CBFB: variants seen among roughly 807,000 people sequenced by gnomAD.
CBFB encodes the protein core-binding factor subunit beta.
A neutral mutation model predicts 30.4 loss-of-function variants in CBFB; 9 were observed. The observed-to-expected ratio is 0.30, with a 90% CI of 0.18 to 0.52. The LOEUF is 0.52. CBFB is among the 20% of genes least tolerant of loss of function. The pLI is 0.97. For missense variants in CBFB, 170 were observed against 244.0 expected, an observed-to-expected ratio of 0.70 and a Z score of 2.02; for synonymous variants, 94 against 84.0, an observed-to-expected ratio of 1.12 and a Z score of -0.65.
At chr16:67,031,302 AT>A (rs1966341602) in intron 2 of CBFB, among the ~76,000 whole-genome samples, 1 of 152,202 alleles carries the variant, frequency 6.6e-6, no homozygotes, top group African/African-American at 2.4e-5. Context: ...TAATTGTAGT[AT>A]TTATATGATT....
intron 3 of CBFB, among the ~76,000 whole-genome samples, chr16:67,051,792 A>G (rs1291622953): frequency 6.7e-6 from 1 of 150,000 alleles, no homozygotes; most frequent in Non-Finnish European, 1.5e-5. Context: ...TCTGTTGCCC[A>G]GGCTGGAGCG....
chr16:67,076,315 G>A (rs1160049896), intron 4 of CBFB, among the ~76,000 whole-genome samples: 1 of 152,106 alleles, frequency 6.6e-6, no homozygotes, highest in Non-Finnish European at 1.5e-5. Flanking sequence ...GATCACTTGA[G>A]CCCAGGTGGT....
intron 4 of CBFB, among the ~76,000 whole-genome samples, chr16:67,080,999 T>C (rs976662566): frequency 6.6e-6 from 1 of 152,090 alleles, no homozygotes; most frequent in Non-Finnish European, 1.5e-5. Flanking sequence ...TATATACTTT[T>C]AAGTTTTAGG....
chr16:67,064,578 T>A (rs1441639206), intron 3 of CBFB, among the ~76,000 whole-genome samples: 1 of 152,200 alleles, frequency 6.6e-6, no homozygotes, highest in Non-Finnish European at 1.5e-5. Context: ...GAAACTGTAA[T>A]AAATTTCTCT....
Position 67,082,291 on chromosome 16 carries a change from C to G in CBFB, c.478C>G (p.His160Asp). The part of the protein sequence containing the change: ...TREFEDRDRS[H>D]REEMEARRQQ... ...CGAATTTGAAGATAGAGACAGGTCTCATCGGGAGGAAATGGAGGTGAGAGT... is the reference window on the plus strand; with the variant it reads ...CGAATTTGAAGATAGAGACAGGTCTGATCGGGAGGAAATGGAGGTGAGAGT... Residue 160 changes from histidine to aspartate, a missense_variant, in exon 5 of 6, where the codon CAT becomes GAT. Coordinates refer to ENST00000412916, the MANE Select transcript of CBFB (RefSeq NM_022845.3). 1 of 1,612,372 alleles carries G rather than the reference C, an allele frequency of 6.2e-7. No homozygotes were observed. The highest frequency in any genetic ancestry group is 8.5e-7 in the Non-Finnish European group (1 of 1,178,752).
intron 3 of CBFB, among the ~76,000 whole-genome samples, chr16:67,048,109 G>C (rs947547734): frequency 6.6e-6 from 1 of 151,830 alleles, no homozygotes; most frequent in Non-Finnish European, 1.5e-5. Flanking sequence ...GCGTGGTGTC[G>C]CATGCCTCTG....
intron 3 of CBFB, among the ~76,000 whole-genome samples, chr16:67,055,357 CTTTTTTTTTTTTTTTT>C (rs1163773529): frequency 2.5e-5 from 2 of 81,466 alleles, no homozygotes; most frequent in South Asian, 4.4e-4. Context: ...CAGACACTTT[CTTTTTTTTTTTTTTTT>C]TTTTTTTTTT....
intron 3 of CBFB, among the ~76,000 whole-genome samples, chr16:67,040,013 A>G (rs960513067): frequency 6.6e-6 from 1 of 152,186 alleles, no homozygotes; most frequent in South Asian, 2.1e-4. Context: ...AAAAAAAAGC[A>G]TTTTAAGGCA....
chr16:67,052,411 T>C (rs960978154), intron 3 of CBFB, among the ~76,000 whole-genome samples: 3 of 150,780 alleles, frequency 2.0e-5, no homozygotes, highest in Admixed American at 2.0e-4. Context: ...CCTTAAAAAA[T>C]AAAAACATTT....
intron 5 of CBFB, among the ~76,000 whole-genome samples, chr16:67,086,951 A>G (rs945237021): frequency 1.2e-4 from 18 of 151,986 alleles, no homozygotes; most frequent in Non-Finnish European, 1.9e-4. Flanking sequence ...TAGTATACTT[A>G]GAGGGATTTG....
rs750601850 is a variant in CBFB at position 67,066,756 on chromosome 16, G to C, written c.357G>C (p.Leu119=). 53 of 1,610,106 alleles carry C rather than the reference G, an allele frequency of 3.3e-5. No individual in the cohort carries two copies. The highest frequency in any genetic ancestry group is 4.5e-5 in the Non-Finnish European group (53 of 1,178,398). ...IWKGWIDLQR[L]DGMGCLEFDE... ...AAGGCTGGATTGATCTCCAAAGACT[G>C]GATGGTATGGGCTGTCTGGAGTTTG... The change falls in exon 4 of 6, where the codon CTG becomes CTC. Residue 119 remains leucine, a synonymous_variant. Transcript: ENST00000412916.
chr16:67,056,829 G>T (rs189010125), intron 3 of CBFB, among the ~76,000 whole-genome samples: 1 of 151,936 alleles, frequency 6.6e-6, no homozygotes, highest in Non-Finnish European at 1.5e-5. Flanking sequence ...CTACAGGTGC[G>T]TGCCACCACA....
At chr16:67,060,198 CA>C (rs1960865765) in intron 3 of CBFB, among the ~76,000 whole-genome samples, 1 of 151,954 alleles carries the variant, frequency 6.6e-6, no homozygotes, top group Non-Finnish European at 1.5e-5. Flanking sequence ...TGGCTGGTCT[CA>C]AACTCCTGAG....
intron 3 of CBFB, among the ~76,000 whole-genome samples, chr16:67,060,231 A>G (rs921324356): frequency 2.0e-5 from 3 of 152,146 alleles, no homozygotes; most frequent in Non-Finnish European, 4.4e-5. Flanking sequence ...CTCCCAAAGT[A>G]TGCTAAGATT....
intron 3 of CBFB, among the ~76,000 whole-genome samples, chr16:67,061,497 C>T (rs1960909612): frequency 6.6e-6 from 1 of 152,102 alleles, no homozygotes. Context: ...AAGCATTTCA[C>T]TGTGTATTAA....
chr16:67,091,774 A>G (rs1441570944), intron 5 of CBFB, among the ~76,000 whole-genome samples: 6 of 152,152 alleles, frequency 3.9e-5, no homozygotes, highest in African/African-American at 1.2e-4. Flanking sequence ...ATACATGCGC[A>G]GAATGTGCAG....
chr16:67,034,359 T>C lies in CBFB; in HGVS notation c.166-2280T>C, dbSNP rs1035848341. On this transcript the variant is annotated intron_variant, in intron 2 of 5. Transcript: ENST00000412916. ...CAAAGCATAAGACAACCTGGAAATC[T>C]TAAATATAGGCGTCATACTAGTGTA... 2.0e-5 allele frequency among the ~76,000 whole-genome samples: 3 copies of C among 152,352 alleles called. No individual in the cohort carries two copies. In the East Asian group the frequency reaches 5.8e-4, roughly 29 times the overall value.
intron 2 of CBFB, among the ~76,000 whole-genome samples, chr16:67,033,904 C>A (rs896956183): frequency 6.7e-6 from 1 of 149,136 alleles, no homozygotes; most frequent in Non-Finnish European, 1.5e-5. Flanking sequence ...TCTCGGCTCA[C>A]TGCAACCTCT....
intron 3 of CBFB, among the ~76,000 whole-genome samples, chr16:67,038,504 T>G (rs1966480739): frequency 6.6e-6 from 1 of 151,996 alleles, no homozygotes; most frequent in African/African-American, 2.4e-5. Flanking sequence ...GATTATAAGA[T>G]TTAAAAAAAT....
Sources: allele counts gnomAD v4.1 joint callset (sites outside exome capture counted in the v4.1 genomes callset), GRCh38; gene constraint gnomAD v4.1.1; transcripts MANE v1.5; gene names NCBI Gene and HGNC (gene_info 2026-07-23, HGNC 2026-07-21).